TRIM44: variants seen among roughly 807,000 people sequenced by gnomAD.
The protein encoded by TRIM44 is tripartite motif containing 44, also known as tripartite motif-containing protein 44.
A neutral mutation model predicts 37.4 loss-of-function variants in TRIM44; 13 were observed. The ratio of observed to expected loss-of-function variants is 0.35; its 90% CI spans 0.23 to 0.55. The LOEUF is 0.55. Among genes scored for constraint, TRIM44 ranks in the 20% least tolerant of loss-of-function variants. The pLI is 0.89. For missense variants in TRIM44, 426 were observed against 437.2 expected (o/e 0.97, Z 0.23); for synonymous variants, 175 against 157.2 (o/e 1.11, Z -0.85).
intron 2 of TRIM44, among the ~76,000 whole-genome samples, chr11:35,720,695 A>G (rs1852096252): frequency 6.6e-6 from 1 of 152,038 alleles, no homozygotes; most frequent in Non-Finnish European, 1.5e-5. Flanking sequence ...TTCTTTATTA[A>G]GTGGAGGAAG....
At chr11:35,801,260 A>G (rs2133883544) in intron 4 of TRIM44, among the ~76,000 whole-genome samples, 1 of 152,314 alleles carries the variant, frequency 6.6e-6, no homozygotes, top group East Asian at 1.9e-4. Context: ...TAATTTTTGG[A>G]GAATATTAAA....
intron 2 of TRIM44, among the ~76,000 whole-genome samples, chr11:35,700,353 C>T (rs1274709632): frequency 6.6e-6 from 1 of 152,304 alleles, no homozygotes; most frequent in Middle Eastern, 3.4e-3. Context: ...CTTGTTCAAA[C>T]CTTTAGCTTA....
intron 2 of TRIM44, among the ~76,000 whole-genome samples, chr11:35,707,690 T>TG (rs1214827037): frequency 6.8e-6 from 1 of 147,946 alleles, no homozygotes; most frequent in African/African-American, 2.4e-5. Flanking sequence ...TAAATGGTGC[T>TG]GGGAAAACTG....
intron 4 of TRIM44, among the ~76,000 whole-genome samples, chr11:35,756,519 C>T (rs1002972402): frequency 3.3e-5 from 5 of 152,142 alleles, no homozygotes; most frequent in Non-Finnish European, 2.9e-5. Context: ...CCTGATTGCC[C>T]TGGCCAGAAC....
chr11:35,723,015 A>C (rs1590542866), intron 2 of TRIM44, among the ~76,000 whole-genome samples: 10 of 141,402 alleles, frequency 7.1e-5, no homozygotes, highest in East Asian at 2.1e-4. Context: ...TTCTCTCTCT[A>C]CCTCCCTCCT....
chr11:35,696,733 G>A (rs1424760391), intron 2 of TRIM44, among the ~76,000 whole-genome samples: 1 of 151,722 alleles, frequency 6.6e-6, no homozygotes, highest in Non-Finnish European at 1.5e-5. Context: ...TGTAATCCCA[G>A]CTGCTTGGGA....
Position 35,806,807 on chromosome 11 carries a change from T to C in TRIM44, c.*422T>C, listed in dbSNP as rs1834002369. The C allele has an allele frequency of 6.0e-6, 1 of 167,114 alleles. No individual in the cohort carries two copies. Among genetic ancestry groups the C allele is most frequent in the Non-Finnish European group, 1.3e-5 (1 of 76,806 alleles). The allele number at this position is 167,114 out of a possible 1,614,324, so 10.4% of individuals were successfully genotyped here. On this transcript the variant is annotated 3_prime_UTR_variant, in exon 5 of 5. Coordinates refer to ENST00000299413, the MANE Select transcript of TRIM44 (RefSeq NM_017583.6). Reference sequence around the variant, plus strand: ...ATTAACAAAAACCCAATTTTGTTCATATTGAAGCATGAAATAAATGAGAGC... The same window carrying C: ...ATTAACAAAAACCCAATTTTGTTCACATTGAAGCATGAAATAAATGAGAGC...
chr11:35,813,686 G>A lies in TRIM44; in HGVS notation c.*7301G>A, dbSNP rs981333479. The A allele has an allele frequency of 6.6e-6, 1 of 151,822 alleles. No homozygotes were observed. Among genetic ancestry groups the A allele is most frequent in the African/African-American group, 2.4e-5 (1 of 41,292 alleles). 9.4% of individuals were successfully genotyped at this position (151,822 alleles called of 1,614,324 possible). On this transcript the variant is annotated 3_prime_UTR_variant, in exon 5 of 5. Transcript: ENST00000299413. ...GGGACAATATTCTATTTAAAATGAT[G>A]ACCCTGTGCACCATACATAAAAAAA...
intron 1 of TRIM44, among the ~76,000 whole-genome samples, chr11:35,666,478 A>C (rs1424243804): frequency 2.0e-5 from 3 of 152,320 alleles, no homozygotes; most frequent in African/African-American, 7.2e-5. Context: ...TTACAACATG[A>C]AGTCTTCTGA....
At chr11:35,702,524 T>C (rs1183839598) in intron 2 of TRIM44, among the ~76,000 whole-genome samples, 2 of 152,228 alleles carry the variant, frequency 1.3e-5, no homozygotes. Context: ...GAGCGCCAGC[T>C]GTGACTCAAG....
At chr11:35,706,783 T>A (rs1382565547) in intron 2 of TRIM44, among the ~76,000 whole-genome samples, 13 of 151,602 alleles carry the variant, frequency 8.6e-5, no homozygotes, top group Non-Finnish European at 1.0e-4. Context: ...AGAGCTATCT[T>A]TGACAAACCC....
chr11:35,756,307 G>T (rs552577933), intron 4 of TRIM44, among the ~76,000 whole-genome samples: 26 of 152,132 alleles, frequency 1.7e-4, no homozygotes, highest in African/African-American at 5.8e-4. Context: ...CTCTCTGTTT[G>T]TCTGTTATTG....
At chr11:35,673,671 T>A (rs1197925341) in intron 1 of TRIM44, among the ~76,000 whole-genome samples, 1 of 152,166 alleles carries the variant, frequency 6.6e-6, no homozygotes, top group Admixed American at 6.5e-5. Flanking sequence ...GCCCTCTTTT[T>A]CTCTTTCCTG....
chr11:35,803,550 A>C (rs1416634178), intron 4 of TRIM44, among the ~76,000 whole-genome samples: 2 of 152,106 alleles, frequency 1.3e-5, no homozygotes, highest in Non-Finnish European at 2.9e-5. Context: ...GTGAAACTCC[A>C]GCTCTACTAA....
intron 2 of TRIM44, among the ~76,000 whole-genome samples, chr11:35,708,154 A>G (rs1297838677): frequency 6.6e-6 from 1 of 152,118 alleles, no homozygotes; most frequent in Non-Finnish European, 1.5e-5. Context: ...ACACATGAAA[A>G]AATGCTCATC....
Position 35,735,536 on chromosome 11 carries a change from G to A in TRIM44, c.1007+91G>A, listed in dbSNP as rs1468531602. ...TGCTCCATGAAATATAGACAGCCAA[G>A]GAACAGCACAGAAAAGGGATCTCTA... is the stretch of plus-strand genomic sequence containing the variant. On this transcript the variant is annotated intron_variant, in intron 4 of 4. Transcript: ENST00000299413. 20 of 1,299,992 alleles carry A rather than the reference G, an allele frequency of 1.5e-5. No individual in the cohort carries two copies. The East Asian group carries it at 4.6e-4, about 30-fold the overall frequency. 80.5% of individuals were successfully genotyped at this position (1,299,992 alleles called of 1,614,324 possible).
chr11:35,670,651 C>T (rs779556228), intron 1 of TRIM44, among the ~76,000 whole-genome samples: 14 of 152,056 alleles, frequency 9.2e-5, no homozygotes, highest in Non-Finnish European at 1.0e-4. Flanking sequence ...TTTAAGATAC[C>T]GTGTTTTTCA....
At chr11:35,739,205 G>C (rs1852361851) in intron 4 of TRIM44, among the ~76,000 whole-genome samples, 1 of 152,116 alleles carries the variant, frequency 6.6e-6, no homozygotes, top group Non-Finnish European at 1.5e-5. Flanking sequence ...TGTCCAAAGT[G>C]CTTTATATAT....
chr11:35,709,553 T>C (rs777429913), intron 2 of TRIM44, among the ~76,000 whole-genome samples: 1 of 152,200 alleles, frequency 6.6e-6, no homozygotes, highest in Non-Finnish European at 1.5e-5. Flanking sequence ...GCCAATTAAT[T>C]ACCAGACCAA....
Sources: gnomAD v4.1 joint callset for allele counts (sites outside exome capture counted in the v4.1 genomes callset) on GRCh38, gnomAD v4.1.1 for gene constraint, MANE v1.5 for transcripts, NCBI Gene and HGNC (gene_info 2026-07-23, HGNC 2026-07-21) for gene names.